The following FBXO11 variants were observed in gnomAD, a reference collection of about 807,000 sequenced individuals.
FBXO11 encodes the protein F-box only protein 11.
FBXO11 carries 13 observed loss-of-function variants against 117.0 expected under a neutral mutation model. That is an observed-to-expected ratio of 0.11 (90% CI 0.07 to 0.18). The LOEUF (loss-of-function observed/expected upper bound fraction) is 0.18, where lower values mean the gene tolerates loss of function less well. Among genes scored for constraint, FBXO11 ranks in the 10% least tolerant of loss-of-function variants. The pLI is 1.00. For missense variants in FBXO11, 767 were observed against 1,164.4 expected, an observed-to-expected ratio of 0.66 and a Z score of 4.97; for synonymous variants, 490 against 380.5, an observed-to-expected ratio of 1.29 and a Z score of -3.35.
intron 1 of FBXO11, among the ~76,000 whole-genome samples, chr2:47,868,793 G>A (rs562354122): frequency 6.6e-6 from 1 of 152,174 alleles, no homozygotes; most frequent in African/African-American, 2.4e-5. Flanking sequence ...CCCCAATATA[G>A]TACCATTTCC....
chr2:47,877,496 T>C (rs907422010), intron 1 of FBXO11, among the ~76,000 whole-genome samples: 1 of 152,196 alleles, frequency 6.6e-6, no homozygotes, highest in Non-Finnish European at 1.5e-5. Flanking sequence ...TTCCCTCTGA[T>C]GAAGGTGTTG....
At chr2:47,872,766 G>T (rs1337740758) in intron 1 of FBXO11, among the ~76,000 whole-genome samples, 1 of 152,130 alleles carries the variant, frequency 6.6e-6, no homozygotes, top group Non-Finnish European at 1.5e-5. Flanking sequence ...TTAAAATGTA[G>T]TCAATTCCTG....
chr2:47,896,858 T>C (rs1677708070), intron 1 of FBXO11, among the ~76,000 whole-genome samples: 1 of 152,190 alleles, frequency 6.6e-6, no homozygotes, highest in Admixed American at 6.5e-5. Context: ...AAGAACACTT[T>C]GCTAAAAATA....
chr2:47,836,284 C>G (rs959680986), intron 4 of FBXO11, among the ~76,000 whole-genome samples: 1 of 152,004 alleles, frequency 6.6e-6, no homozygotes, highest in African/African-American at 2.4e-5. Flanking sequence ...TGTCACCACG[C>G]ACAGCTAAAA....
intron 18 of FBXO11, chr2:47,811,575 C>G (rs1670616502): frequency 6.6e-6 from 1 of 152,198 alleles, no homozygotes. Flanking sequence ...ACATTCTGGT[C>G]ATAACCAATT....
intron 1 of FBXO11, among the ~76,000 whole-genome samples, chr2:47,868,734 G>C (rs1675387832): frequency 6.6e-6 from 1 of 152,146 alleles, no homozygotes; most frequent in African/African-American, 2.4e-5. Context: ...ATTTGGCTAT[G>C]GCTGCTGTTG....
rs372689794 is a variant in FBXO11, at chr2:47,839,772, G to A, written c.233-3C>T. ...CATATCTGCAGGCACATCATCATCT[G>A]TTATAAACAAAAGCAATAAGAAAAA... On this transcript the variant is annotated splice_region_variant and splice_polypyrimidine_tract_variant and intron_variant, in intron 1 of 22. Coordinates refer to ENST00000403359, the MANE Select transcript of FBXO11 (RefSeq NM_001190274.2). 12 of 1,601,148 alleles carry A rather than the reference G, an allele frequency of 7.5e-6. No individual in the cohort carries two copies. The African/African-American group carries it at 1.2e-4, about 16-fold the overall frequency.
chr2:47,886,801 A>C (rs946320157), intron 1 of FBXO11, among the ~76,000 whole-genome samples: 5 of 152,186 alleles, frequency 3.3e-5, no homozygotes, highest in African/African-American at 1.2e-4. Context: ...TAATGAAAAA[A>C]AGTGTTTATA....
chr2:47,891,615 C>A (rs1204212638), intron 1 of FBXO11, among the ~76,000 whole-genome samples: 1 of 152,118 alleles, frequency 6.6e-6, no homozygotes, highest in East Asian at 1.9e-4. Context: ...TTCCTGATTT[C>A]ATTTCTTTTG....
intron 1 of FBXO11, among the ~76,000 whole-genome samples, chr2:47,876,916 AT>A (rs201043620): frequency 0.16 from 23,332 of 147,608 alleles, 1,891 homozygotes; most frequent in Non-Finnish European, 0.18. Flanking sequence ...ATCTATATTC[AT>A]TTTTTTTTTT....
At chr2:47,900,663 CG>C in intron 1 of FBXO11, among the ~76,000 whole-genome samples, 2 of 75,852 alleles carry the variant, frequency 2.6e-5, no homozygotes, top group Non-Finnish European at 5.9e-5. Flanking sequence ...TATACACACA[CG>C]TACGTATATA....
intron 13 of FBXO11, 43 bp from the exon 14 acceptor site, chr2:47,820,499 A>G (rs1218777709): frequency 2.7e-6 from 4 of 1,456,906 alleles, no homozygotes; most frequent in Middle Eastern, 1.9e-4. Context: ...TTGTGAGCCT[A>G]GAGAATACAG....
chr2:47,880,247 T>G (rs562958073), intron 1 of FBXO11, among the ~76,000 whole-genome samples: 5 of 152,160 alleles, frequency 3.3e-5, no homozygotes, highest in African/African-American at 9.7e-5. Context: ...TCCACCCAAC[T>G]TGGCCTCCCA....
At chr2:47,893,397 A>C (rs1204724491) in intron 1 of FBXO11, among the ~76,000 whole-genome samples, 1 of 152,192 alleles carries the variant, frequency 6.6e-6, no homozygotes, top group Non-Finnish European at 1.5e-5. Flanking sequence ...AAGGATAAAC[A>C]GATCTGTGTA....
In FBXO11 at chr2:47,906,445, C is replaced by T. The variant is rs1376421249; in HGVS notation, c.-725G>A. Reference sequence around the variant, plus strand: ...GTCAGCCCTGTCGCCGCTGCTTCTGCTGCTGCTCCGTGGCAGGAGGAGCCA... The same window carrying T: ...GTCAGCCCTGTCGCCGCTGCTTCTGTTGCTGCTCCGTGGCAGGAGGAGCCA... On this transcript the variant is annotated 5_prime_UTR_variant, in exon 1 of 23. Transcript: ENST00000403359. Among the ~76,000 whole-genome samples the T allele has an allele frequency of 6.6e-6, 1 of 152,126 alleles. No homozygotes were observed. The highest frequency in any genetic ancestry group is 1.5e-5 in the Non-Finnish European group (1 of 68,006).
intron 1 of FBXO11, among the ~76,000 whole-genome samples, chr2:47,903,975 A>C (rs1195575166): frequency 6.6e-6 from 1 of 152,232 alleles, no homozygotes; most frequent in Non-Finnish European, 1.5e-5. Flanking sequence ...CAAGATCTCC[A>C]ACTGCCTTGA....
intron 18 of FBXO11, among the ~76,000 whole-genome samples, chr2:47,812,283 G>C (rs746510386): frequency 5.3e-5 from 8 of 152,080 alleles, no homozygotes; most frequent in Non-Finnish European, 1.2e-4. Flanking sequence ...CATAGTAGTT[G>C]GTACAGAGGT....
chr2:47,851,144 C>A (rs560772071), intron 1 of FBXO11, among the ~76,000 whole-genome samples: 1 of 148,882 alleles, frequency 6.7e-6, no homozygotes, highest in African/African-American at 2.5e-5. Context: ...AACAGAATGA[C>A]CATAGCCCCA....
chr2:47,831,950 G>C (rs1262306104), intron 11 of FBXO11, among the ~76,000 whole-genome samples: 4 of 152,130 alleles, frequency 2.6e-5, no homozygotes, highest in African/African-American at 7.2e-5. Context: ...AACTGTGTTA[G>C]ATTCACTTAT....
Sources: gnomAD v4.1 joint callset for allele counts (sites outside exome capture counted in the v4.1 genomes callset) on GRCh38, gnomAD v4.1.1 for gene constraint, MANE v1.5 for transcripts, NCBI Gene and HGNC (gene_info 2026-07-23, HGNC 2026-07-21) for gene names.